CREBBP: variants seen among roughly 807,000 people sequenced by gnomAD.
CREBBP encodes the protein CREB-binding protein.
A neutral mutation model predicts 265.0 loss-of-function variants in CREBBP; 19 were observed. The ratio of observed to expected loss-of-function variants is 0.07; its 90% CI spans 0.05 to 0.11. The LOEUF (loss-of-function observed/expected upper bound fraction) is 0.11, where lower values mean the gene tolerates loss of function less well. Among genes scored for constraint, CREBBP ranks in the 10% least tolerant of loss-of-function variants. The pLI, the probability that CREBBP is intolerant of heterozygous loss-of-function variation, is 1.00. For missense variants in CREBBP, 2,525 were observed against 3,219.0 expected, an observed-to-expected ratio of 0.78 and a Z score of 5.22; for synonymous variants, 1,457 against 1,223.7, an observed-to-expected ratio of 1.19 and a Z score of -3.98.
intron 28 of CREBBP, among the ~76,000 whole-genome samples, 181 bp downstream of exon 28, chr16:3,735,855 G>C (rs2151327104): frequency 6.6e-6 from 1 of 152,288 alleles, no homozygotes; most frequent in Middle Eastern, 3.4e-3. Flanking sequence ...CCACTGTGCA[G>C]AGAGTGCAGA....
At chr16:3,840,491 G>A (rs1160780658) in intron 2 of CREBBP, 1 of 152,956 alleles carries the variant, frequency 6.5e-6, no homozygotes, top group Non-Finnish European at 1.5e-5. Flanking sequence ...GGGTTTCAAA[G>A]ATCCAGGAGA....
chr16:3,726,459 G>C lies in CREBBP; in HGVS notation c.*1259C>G, dbSNP rs951067233. The stretch of plus-strand genomic sequence containing the variant: ...TCAGTCTCCGGGAAGAAAAGCCTCC[G>C]GGCGGCCGCTAAGCCTGGGCCACAG... On this transcript the variant is annotated 3_prime_UTR_variant, in exon 31 of 31. Transcript: ENST00000262367. 8 of 233,262 alleles carry C rather than the reference G, an allele frequency of 3.4e-5. No homozygotes were observed. The highest frequency in any genetic ancestry group is 8.8e-5 in the African/African-American group (4 of 45,330). The allele number at this position is 233,262 out of a possible 1,614,324, so 14.4% of individuals were successfully genotyped here.
chr16:3,879,233 CG>C (rs1275330166), intron 1 of CREBBP, among the ~76,000 whole-genome samples: 1 of 13,856 alleles, frequency 7.2e-5, no homozygotes, highest in Non-Finnish European at 6.6e-4. Flanking sequence ...CACACACGCG[CG>C]CACACACACA....
chr16:3,777,857 C>A, intron 10 of CREBBP, 154 bp downstream of exon 10: 1 of 1,102,710 alleles, frequency 9.1e-7, no homozygotes, highest in Non-Finnish European at 1.4e-6. Context: ...CCCAACACAG[C>A]CTGAGGCAGG....
chr16:3,850,883 G>A lies in CREBBP; in HGVS notation c.212C>T (p.Ser71Leu), dbSNP rs2141496254. Residue 71 changes from serine to leucine, a missense_variant, in exon 2 of 31, where the codon TCG (serine) becomes TTG (leucine). Around this residue, in one of 19 missense-constraint regions of CREBBP, gnomAD observed 356 missense variants for 340.4 expected, o/e 1.05. Transcript: ENST00000262367. ...PDAASKHKQL[S>L]ELLRGGSGSS... Reference sequence around the variant, plus strand: ...GCCGCTGCCTCCTCGTAGAAGCTCCGACAGTTGTTTATGTTTGGAAGCAGC... The same window carrying A: ...GCCGCTGCCTCCTCGTAGAAGCTCCAACAGTTGTTTATGTTTGGAAGCAGC... 3 of 1,614,146 alleles carry A rather than the reference G, an allele frequency of 1.9e-6. No homozygotes were observed. The highest frequency in any genetic ancestry group is 2.5e-6 in the Non-Finnish European group (3 of 1,180,046).
chr16:3,850,328 A>G lies in CREBBP; in HGVS notation c.767T>C (p.Leu256Pro). 6.2e-7 allele frequency: 1 copy of G among 1,614,246 alleles called. No individual in the cohort carries two copies. The highest frequency in any genetic ancestry group is 8.5e-7 in the Non-Finnish European group (1 of 1,180,048). ...CATGCCTCCTGCCTGTGCGGTGTTC[A>G]GTCCCGCGTGACCAGTCATTTGCGG... is the stretch of plus-strand genomic sequence containing the variant. Reference protein sequence around the residue: ...VSPQMTGHAGLNTAQAGGMAK... With the variant: ...VSPQMTGHAGPNTAQAGGMAK... Residue 256 changes from leucine to proline, a missense_variant, in exon 2 of 31, where the codon CTG (leucine) becomes CCG (proline). Coordinates refer to ENST00000262367, the MANE Select transcript of CREBBP (RefSeq NM_004380.3).
At chr16:3,805,721 A>G (rs909915115) in intron 3 of CREBBP, among the ~76,000 whole-genome samples, 8 of 152,228 alleles carry the variant, frequency 5.3e-5, no homozygotes, top group African/African-American at 1.9e-4. Context: ...AGTGGACATG[A>G]AGACCAACAA....
At chr16:3,818,061 GACAA>G (rs1337889148) in intron 2 of CREBBP, among the ~76,000 whole-genome samples, 1 of 151,956 alleles carries the variant, frequency 6.6e-6, no homozygotes, top group African/African-American at 2.4e-5. Flanking sequence ...CAACCACTCC[GACAA>G]ACAAACTCCC....
At chr16:3,774,296 A>C (rs537736154) in intron 12 of CREBBP, among the ~76,000 whole-genome samples, 1 of 152,206 alleles carries the variant, frequency 6.6e-6, no homozygotes, top group Non-Finnish European at 1.5e-5. Flanking sequence ...TGCTGGCCAC[A>C]TATCTGAGGC....
intron 2 of CREBBP, among the ~76,000 whole-genome samples, chr16:3,844,600 C>T (rs138516556): frequency 2.0e-5 from 3 of 152,160 alleles, no homozygotes; most frequent in Admixed American, 6.5e-5. Context: ...AAGTAGGATA[C>T]GAGACAGGGA....
intron 27 of CREBBP, 120 bp downstream of exon 27, chr16:3,736,530 C>T: frequency 2.1e-6 from 3 of 1,434,198 alleles, no homozygotes; most frequent in Non-Finnish European, 2.9e-6. Flanking sequence ...TTTTATTTTT[C>T]TGCTTTCTAA....
At chr16:3,871,337 C>A (rs2055295824) in intron 1 of CREBBP, among the ~76,000 whole-genome samples, 1 of 152,144 alleles carries the variant, frequency 6.6e-6, no homozygotes, top group Admixed American at 6.5e-5. Flanking sequence ...GCCAGGGCTC[C>A]CTCCTCAGCA....
Position 3,736,594 on chromosome 16 carries a change from A to G in CREBBP, c.4560+56T>C, listed in dbSNP as rs895014817. 8 of 1,611,622 alleles carry G rather than the reference A, an allele frequency of 5.0e-6. No individual in the cohort carries two copies. In the African/African-American group the frequency reaches 8.0e-5, roughly 16 times the overall value. On this transcript the variant is annotated intron_variant, in intron 27 of 30. Transcript: ENST00000262367. ...ATGCGAATGCAAGAAAAAGGCACAC[A>G]AATATCCTCCCCTCAGTTGTGACAA...
At chr16:3,778,617 A>G (rs1231140190) in intron 9 of CREBBP, 83 bp downstream of exon 9, 1 of 1,163,756 alleles carries the variant, frequency 8.6e-7, no homozygotes, top group East Asian at 2.4e-5. Flanking sequence ...AGATTCCACT[A>G]TTTCCAGATA....
At chr16:3,792,720 A>T (rs1338760154) in intron 4 of CREBBP, among the ~76,000 whole-genome samples, 1 of 152,268 alleles carries the variant, frequency 6.6e-6, no homozygotes, top group Non-Finnish European at 1.5e-5. Context: ...GTTTATGAGC[A>T]TAAGCAGAGA....
intron 19 of CREBBP, 43 bp from the exon 20 acceptor site, chr16:3,751,849 AAC>A: frequency 6.3e-7 from 1 of 1,590,290 alleles, no homozygotes; most frequent in Non-Finnish European, 8.6e-7. Flanking sequence ...GGTCCATCAT[AAC>A]ACACAGCCAC....
At chr16:3,780,663 C>T in intron 8 of CREBBP, 69 bp downstream of exon 8, 1 of 1,542,740 alleles carries the variant, frequency 6.5e-7, no homozygotes, top group Admixed American at 1.7e-5. Flanking sequence ...AGGGTACTGT[C>T]ATCTGGTAGC....
chr16:3,786,040 A>T (rs896890374), intron 5 of CREBBP, among the ~76,000 whole-genome samples: 5 of 152,238 alleles, frequency 3.3e-5, no homozygotes, highest in African/African-American at 1.2e-4. Context: ...CTCTTCATGC[A>T]CAAACAATGT....
At chr16:3,793,773 C>CTT in intron 3 of CREBBP, 147 bp from the exon 4 acceptor site, 1 of 959,350 alleles carries the variant, frequency 1.0e-6, no homozygotes, top group Non-Finnish European at 1.5e-6. Context: ...CCACTGATGA[C>CTT]TTTAAGAAGA....
Sources: allele counts gnomAD v4.1 joint callset (sites outside exome capture counted in the v4.1 genomes callset), GRCh38; gene constraint gnomAD v4.1.1; regional missense constraint gnomAD v4.1.1; transcripts MANE v1.5; gene names NCBI Gene and HGNC (gene_info 2026-07-23, HGNC 2026-07-21).